Variants in DDX10 observed in about 807,000 individuals in gnomAD.
DDX10 encodes the protein DEAD-box helicase 10.
DDX10 carries 74 observed loss-of-function variants against 104.3 expected under a neutral mutation model. That is an observed-to-expected ratio of 0.71 (90% CI 0.59 to 0.86). DDX10 has a LOEUF of 0.86. DDX10 is among the 40% of genes least tolerant of loss of function. The probability of loss-of-function intolerance (pLI) is 0.00; values close to 1 mark genes in which losing one functional copy is unlikely to be tolerated. For missense variants in DDX10, 952 were observed against 1,040.0 expected, an observed-to-expected ratio of 0.92 and a Z score of 1.16; for synonymous variants, 351 against 353.4, an observed-to-expected ratio of 0.99 and a Z score of 0.08.
In DDX10 at chr11:108,723,385, G is replaced by A. The variant is rs775299900; in HGVS notation, c.1888G>A (p.Glu630Lys). 2.5e-6 allele frequency: 4 copies of A among 1,614,000 alleles called. No homozygotes were observed. The South Asian group carries it at 3.3e-5, about 13-fold the overall frequency. The change falls in exon 13 of 18, where the codon GAA (glutamate) becomes AAA (lysine). Residue 630 changes from glutamate (E) to lysine (K), a missense_variant. By Grantham distance (56) the Glu-to-Lys change is moderately conservative. Around this residue, in one of 3 missense-constraint regions of DDX10, gnomAD observed 533 missense variants for 534.1 expected, o/e 1.00. Coordinates refer to ENST00000322536, the MANE Select transcript of DDX10 (RefSeq NM_004398.4). ...PTQFLDRDEE[E>K]EDADFLKVKR... ...ACAGTTCTTGGACAGAGATGAGGAGGAAGAAGATGCTGATTTCTTGAAGGT... is the reference window on the plus strand; with the variant it reads ...ACAGTTCTTGGACAGAGATGAGGAGAAAGAAGATGCTGATTTCTTGAAGGT...
chr11:108,786,136 A>G (rs1178868006), intron 13 of DDX10, among the ~76,000 whole-genome samples: 8 of 151,800 alleles, frequency 5.3e-5, no homozygotes, highest in Non-Finnish European at 1.2e-4. Flanking sequence ...AGGTTGTTTA[A>G]TTTCTATGTT....
intron 17 of DDX10, among the ~76,000 whole-genome samples, chr11:108,938,422 A>G (rs1864062784): frequency 6.6e-6 from 1 of 152,160 alleles, no homozygotes; most frequent in Non-Finnish European, 1.5e-5. Flanking sequence ...ACAGCCCACT[A>G]ATTAGGCCAT....
At chr11:108,867,222 A>T (rs972696776) in intron 16 of DDX10, among the ~76,000 whole-genome samples, 3 of 152,188 alleles carry the variant, frequency 2.0e-5, no homozygotes, top group Admixed American at 6.5e-5. Context: ...TTGAATATTA[A>T]TAATTATAAT....
intron 16 of DDX10, among the ~76,000 whole-genome samples, chr11:108,875,841 G>A (rs1863146698): frequency 2.6e-5 from 4 of 152,150 alleles, no homozygotes. Flanking sequence ...AGTGAGGTTG[G>A]AAAGGCCAAA....
chr11:108,841,565 A>G lies in DDX10; in HGVS notation c.2247+89A>G, dbSNP rs995671360. 1.1e-5 allele frequency: 13 copies of G among 1,185,668 alleles called. No homozygotes were observed. The Middle Eastern group carries it at 1.3e-3, about 117-fold the overall frequency. 73.4% of individuals were successfully genotyped at this position (1,185,668 alleles called of 1,614,324 possible). A position where few individuals can be genotyped will look rare whatever the true frequency, so the allele number is the denominator to read the frequency against. ...TCATTAGCTATTCATTAATAAGTGT[A>G]TTATTTTCTTCATTGTTTTCTCTGA... On this transcript the variant is annotated intron_variant, in intron 15 of 17. Coordinates refer to ENST00000322536, the MANE Select transcript of DDX10 (RefSeq NM_004398.4).
chr11:108,900,165 A>G (rs148788063), intron 16 of DDX10, among the ~76,000 whole-genome samples: 15 of 151,598 alleles, frequency 9.9e-5, no homozygotes, highest in African/African-American at 1.5e-4. Flanking sequence ...TGTTCTTGCC[A>G]TGTGAGACAC....
At chr11:108,910,828 T>G (rs1863666104) in intron 16 of DDX10, among the ~76,000 whole-genome samples, 1 of 150,534 alleles carries the variant, frequency 6.6e-6, no homozygotes, top group African/African-American at 2.5e-5. Flanking sequence ...TGTATGAGGA[T>G]GATAGGGGGT....
At chr11:108,838,053 T>C (rs1862581627) in intron 13 of DDX10, among the ~76,000 whole-genome samples, 1 of 151,830 alleles carries the variant, frequency 6.6e-6, no homozygotes, top group African/African-American at 2.4e-5. Flanking sequence ...TACATTTTCC[T>C]ACTCTAAAAA....
At chr11:108,920,526 T>C (rs376546408) in intron 17 of DDX10, 2 of 152,234 alleles carry the variant, frequency 1.3e-5, no homozygotes, top group Non-Finnish European at 2.9e-5. Flanking sequence ...TCTAATCTTA[T>C]AGCCTCCTTC....
At chr11:108,916,366 A>G (rs879367136) in intron 16 of DDX10, among the ~76,000 whole-genome samples, 1 of 152,112 alleles carries the variant, frequency 6.6e-6, no homozygotes, top group African/African-American at 2.4e-5. Context: ...TAATGCTTCT[A>G]ATCCCCCCTC....
chr11:108,933,755 A>G (rs976764310), intron 17 of DDX10, among the ~76,000 whole-genome samples: 1 of 152,358 alleles, frequency 6.6e-6, no homozygotes, highest in Non-Finnish European at 1.5e-5. Context: ...CTACTTACAT[A>G]CTGGCTTAAA....
At chr11:108,692,345 G>A (rs533389355) in intron 8 of DDX10, among the ~76,000 whole-genome samples, 47 of 152,162 alleles carry the variant, frequency 3.1e-4, no homozygotes, top group African/African-American at 1.1e-3. Flanking sequence ...TTTGAAAATT[G>A]GAAACTTGTT....
chr11:108,914,459 T>C (rs1863719164), intron 16 of DDX10, among the ~76,000 whole-genome samples: 1 of 152,242 alleles, frequency 6.6e-6, no homozygotes, highest in East Asian at 1.9e-4. Flanking sequence ...GGGAGACCCA[T>C]AGGAAACTAG....
At chr11:108,733,256 G>A (rs761866453) in intron 13 of DDX10, among the ~76,000 whole-genome samples, 6 of 151,910 alleles carry the variant, frequency 3.9e-5, no homozygotes, top group Non-Finnish European at 5.9e-5. Flanking sequence ...TCTCCTATGT[G>A]GGAGCTAGGA....
chr11:108,745,562 A>G (rs1287639584), intron 13 of DDX10, among the ~76,000 whole-genome samples: 2 of 152,060 alleles, frequency 1.3e-5, no homozygotes, highest in Admixed American at 6.6e-5. Context: ...TTACGTTTTA[A>G]TGTTATCCAG....
chr11:108,776,851 C>G (rs2094370551), intron 13 of DDX10, among the ~76,000 whole-genome samples: 1 of 152,148 alleles, frequency 6.6e-6, no homozygotes, highest in African/African-American at 2.4e-5. Context: ...GGACTTCAGT[C>G]CTACAACCGG....
intron 16 of DDX10, among the ~76,000 whole-genome samples, chr11:108,916,682 T>A (rs1220716466): frequency 6.6e-6 from 1 of 152,196 alleles, no homozygotes; most frequent in Non-Finnish European, 1.5e-5. Flanking sequence ...AACTGAAATT[T>A]TTTTAGTCCC....
At chr11:108,671,072 CAGA>C (rs1212877726) in intron 1 of DDX10, among the ~76,000 whole-genome samples, 1 of 152,132 alleles carries the variant, frequency 6.6e-6, no homozygotes, top group East Asian at 1.9e-4. Flanking sequence ...TCCCTGAATT[CAGA>C]AGAATAGTGA....
intron 13 of DDX10, among the ~76,000 whole-genome samples, chr11:108,787,607 C>T (rs1248887193): frequency 1.3e-5 from 2 of 151,890 alleles, no homozygotes; most frequent in African/African-American, 4.8e-5. Context: ...GAGATTCTTT[C>T]CTCAGCATGC....
Sources: allele counts gnomAD v4.1 joint callset (sites outside exome capture counted in the v4.1 genomes callset), GRCh38; gene constraint gnomAD v4.1.1; regional missense constraint gnomAD v4.1.1; transcripts MANE v1.5; gene names NCBI Gene and HGNC (gene_info 2026-07-23, HGNC 2026-07-21).